ARHGAP22: variants seen among roughly 807,000 people sequenced by gnomAD.
The protein encoded by ARHGAP22 is rho GTPase-activating protein 22.
A neutral mutation model predicts 59.1 loss-of-function variants in ARHGAP22; 48 were observed. That is an observed-to-expected ratio of 0.81 (90% CI 0.64 to 1.03). The LOEUF (loss-of-function observed/expected upper bound fraction) is 1.03, where lower values mean the gene tolerates loss of function less well. Among genes scored for constraint, ARHGAP22 ranks in the 50% least tolerant of loss-of-function variants. The pLI is 0.00. For synonymous variants in ARHGAP22, 445 were observed against 416.4 expected (o/e 1.07, Z -0.84); for missense variants, 1,015 against 958.7 (o/e 1.06, Z -0.78).
downstream of ARHGAP22, chr10:48,444,537 C>A (rs1564647599): frequency 6.6e-6 from 1 of 152,238 alleles, no homozygotes; most frequent in African/African-American, 2.4e-5. Flanking sequence ...CCTATCCCTA[C>A]TGGGGACTCA....
At chr10:48,609,260 T>C (rs564286064), upstream of ARHGAP22, among the ~76,000 whole-genome samples, 10 of 152,214 alleles carry the variant, frequency 6.6e-5, no homozygotes, top group Non-Finnish European at 1.3e-4. Context: ...TCTCCCCTTC[T>C]TCCTGGGAAC....
Position 48,450,914 on chromosome 10 carries a change from G to A in ARHGAP22, c.1215C>T (p.Ser405=). 1.3e-6 allele frequency: 2 copies of A among 1,597,958 alleles called. No individual in the cohort carries two copies. Among genetic ancestry groups the A allele is most frequent in the Non-Finnish European group, 1.7e-6 (2 of 1,173,288 alleles). Residue 405 remains serine (S), a synonymous_variant, in exon 9 of 10, where the codon TCC becomes TCT. Transcript: ENST00000249601. ...SLDGAAVAVL[S]RTAPTGPGSR... ...TCCCCGGCCCCGTGGGGGCTGTTCT[G>A]GAGAGCACCGCCACGGCCGCCCCGT...
chr10:48,453,821 C>T (rs1400704791), intron 7 of ARHGAP22, among the ~76,000 whole-genome samples: 1 of 152,152 alleles, frequency 6.6e-6, no homozygotes, highest in African/African-American at 2.4e-5. Flanking sequence ...GCAAGAGGCA[C>T]CCAGGAGGGA....
rs1376873208 is a variant in ARHGAP22 at position 48,454,726 on chromosome 10, G to T, written c.792+276C>A. 1.4e-4 allele frequency among the ~76,000 whole-genome samples: 22 copies of T among 152,166 alleles called. 1 individual carries two copies. Among genetic ancestry groups the T allele is most frequent in the African/African-American group, 5.3e-4 (22 of 41,432 alleles). On this transcript the variant is annotated intron_variant, in intron 6 of 9. Transcript: ENST00000249601. The stretch of plus-strand genomic sequence containing the variant: ...CTACTGGTGTGACAGCCAGAGCTGG[G>T]CACACCGGACCCACCCCTCCCAGGG...
chr10:48,543,951 G>T (rs570161045), intron 3 of ARHGAP22, among the ~76,000 whole-genome samples: 1 of 152,186 alleles, frequency 6.6e-6, no homozygotes, highest in African/African-American at 2.4e-5. Context: ...GTGAAACCCC[G>T]TCTCTACTAA....
chr10:48,440,985 G>A, the ARHGAP22 span, among the ~76,000 whole-genome samples: 1 of 152,210 alleles, frequency 6.6e-6, no homozygotes, highest in Non-Finnish European at 1.5e-5. Context: ...GCACACAAGA[G>A]ATGGTGCAAG....
At chr10:48,440,534 A>G in the ARHGAP22 span, among the ~76,000 whole-genome samples, 1 of 152,118 alleles carries the variant, frequency 6.6e-6, no homozygotes, top group Non-Finnish European at 1.5e-5. Flanking sequence ...GAAGGTTTGG[A>G]GAAGAGTATT....
intron 2 of ARHGAP22, chr10:48,575,310 G>A (rs563080304): frequency 6.6e-6 from 1 of 152,310 alleles, no homozygotes; most frequent in African/African-American, 2.4e-5. Flanking sequence ...ATGGGAGAAT[G>A]GAGTAACAGA....
chr10:48,477,200 G>C (rs73303077), intron 4 of ARHGAP22, among the ~76,000 whole-genome samples: 2 of 151,926 alleles, frequency 1.3e-5, no homozygotes, highest in African/African-American at 4.8e-5. Flanking sequence ...TTTATATTCT[G>C]TTGCCTATCT....
At chr10:48,450,048 CGCTGACTGCGTGCCAG>C (rs2045746355) in intron 9 of ARHGAP22, among the ~76,000 whole-genome samples, 197 bp downstream of exon 9, 1 of 151,502 alleles carries the variant, frequency 6.6e-6, no homozygotes, top group African/African-American at 2.4e-5. Context: ...GCCTCTGCAG[CGCTGACTGCGTGCCAG>C]ACTGACTGCG....
intron 4 of ARHGAP22, among the ~76,000 whole-genome samples, chr10:48,467,159 C>T (rs1407259401): frequency 6.6e-6 from 1 of 152,224 alleles, no homozygotes; most frequent in Non-Finnish European, 1.5e-5. Context: ...ACAGTATGCC[C>T]CTGAGCAGTC....
intron 3 of ARHGAP22, among the ~76,000 whole-genome samples, chr10:48,497,539 G>T (rs1239416621): frequency 6.6e-6 from 1 of 152,148 alleles, no homozygotes. Flanking sequence ...CGGACGCTGT[G>T]TAAGGGGTCG....
chr10:48,581,397 G>A (rs779163920), intron 2 of ARHGAP22, among the ~76,000 whole-genome samples: 15 of 152,116 alleles, frequency 9.9e-5, no homozygotes, highest in Admixed American at 2.6e-4. Flanking sequence ...TCCATATTCC[G>A]TTTCAGAAAA....
downstream of ARHGAP22, chr10:48,443,710 T>A (rs900082791): frequency 6.6e-6 from 1 of 151,110 alleles, no homozygotes; most frequent in Non-Finnish European, 1.5e-5. Flanking sequence ...CCGGGAAATG[T>A]TGTTACTGAC....
At chr10:48,569,018 T>G (rs964567244) in intron 2 of ARHGAP22, among the ~76,000 whole-genome samples, 1 of 152,190 alleles carries the variant, frequency 6.6e-6, no homozygotes, top group African/African-American at 2.4e-5. Flanking sequence ...AAATACACCT[T>G]TGGGACATGT....
At chr10:48,508,539 C>T (rs1049480363) in intron 3 of ARHGAP22, among the ~76,000 whole-genome samples, 2 of 152,252 alleles carry the variant, frequency 1.3e-5, no homozygotes, top group Non-Finnish European at 2.9e-5. Flanking sequence ...GCAAAGTCAC[C>T]TCCTTTTGGA....
At chr10:48,652,386 G>A in exon 1 of ARHGAP22, 1 of 954,406 alleles carries the variant, frequency 1.0e-6, no homozygotes, top group Non-Finnish European at 1.6e-6. Flanking sequence ...CCAGTAACAG[G>A]AGATCCACAT....
intron 3 of ARHGAP22, among the ~76,000 whole-genome samples, chr10:48,491,058 T>G (rs1328288211): frequency 6.6e-6 from 1 of 152,150 alleles, no homozygotes; most frequent in Admixed American, 6.5e-5. Flanking sequence ...CTCCTTCCTT[T>G]ATCCCGACAA....
At chr10:48,553,047 G>A (rs1050644466) in intron 3 of ARHGAP22, among the ~76,000 whole-genome samples, 1 of 152,210 alleles carries the variant, frequency 6.6e-6, no homozygotes, top group African/African-American at 2.4e-5. Flanking sequence ...CATGAGCTTC[G>A]AGTGCAGCCT....
Sources: gnomAD v4.1 joint callset for allele counts (sites outside exome capture counted in the v4.1 genomes callset) on GRCh38, gnomAD v4.1.1 for gene constraint, MANE v1.5 for transcripts, NCBI Gene and HGNC (gene_info 2026-07-23, HGNC 2026-07-21) for gene names.